The following SIMC1 variants were observed in gnomAD, a reference collection of about 807,000 sequenced individuals.
SIMC1 encodes SUMO interacting motifs containing 1.
In SIMC1, 55 loss-of-function variants were observed where a neutral mutation model predicts 82.3. That is an observed-to-expected ratio of 0.67 (90% CI 0.54 to 0.84). The LOEUF (loss-of-function observed/expected upper bound fraction) is 0.84. Ranked by LOEUF, SIMC1 falls within the 40% of genes least tolerant of loss-of-function variation. The probability of loss-of-function intolerance (pLI) is 0.00; values close to 1 mark genes in which losing one functional copy is unlikely to be tolerated. For missense variants in SIMC1, 915 were observed against 1,107.2 expected (o/e 0.83, Z 2.46); for synonymous variants, 353 against 426.3 (o/e 0.83, Z 2.12).
intron 1 of SIMC1, among the ~76,000 whole-genome samples, chr5:176,272,657 G>T (rs557338955): frequency 2.0e-5 from 3 of 152,164 alleles, no homozygotes; most frequent in Non-Finnish European, 4.4e-5. Context: ...CCTGAGAAGC[G>T]CAAAGGGTCA....
rs1182884406 is a variant in SIMC1 at position 176,313,850 on chromosome 5, G to A, written c.1889+5G>A. On this transcript the variant is annotated splice_donor_5th_base_variant and intron_variant, in intron 5 of 9. Transcript: ENST00000429602. Reference sequence around the variant, plus strand: ...CAAGCAGCCCCACAATGTCAGGTAAGCAGCCACCTGAGCCCTCGGATGAGA... The same window carrying A: ...CAAGCAGCCCCACAATGTCAGGTAAACAGCCACCTGAGCCCTCGGATGAGA... The A allele has an allele frequency of 1.2e-6, 2 of 1,613,162 alleles. No homozygotes were observed. The highest frequency in any genetic ancestry group is 1.1e-5 in the South Asian group (1 of 91,038).
chr5:176,287,863 AT>A (rs1051621189), intron 1 of SIMC1, among the ~76,000 whole-genome samples: 4 of 152,158 alleles, frequency 2.6e-5, no homozygotes, highest in African/African-American at 9.7e-5. Flanking sequence ...ATACATTTCT[AT>A]TTTCAATATC....
At chr5:176,305,508 GC>G in intron 4 of SIMC1, among the ~76,000 whole-genome samples, 1 of 125,304 alleles carries the variant, frequency 8.0e-6, no homozygotes. Flanking sequence ...AGCCCGGCCA[GC>G]CACCCCGTCT....
At chr5:176,269,392 C>T (rs144795056) in intron 1 of SIMC1, among the ~76,000 whole-genome samples, 15 of 152,324 alleles carry the variant, frequency 9.8e-5, no homozygotes, top group African/African-American at 3.6e-4. Flanking sequence ...ATATTATGAA[C>T]AATTTTATGC....
intron 1 of SIMC1, chr5:176,270,664 G>A (rs1156236637): frequency 1.3e-5 from 2 of 152,268 alleles, no homozygotes; most frequent in Non-Finnish European, 2.9e-5. Flanking sequence ...CTGTGTGCTT[G>A]GGGAAGGGAA....
At chr5:176,322,213 T>A in intron 5 of SIMC1, 60 bp from the exon 6 acceptor site, 1 of 1,356,744 alleles carries the variant, frequency 7.4e-7, no homozygotes. Flanking sequence ...TCTTTCTTTA[T>A]TTTTTTTTTC....
chr5:176,254,873 A>G (rs1761796273), intron 1 of SIMC1, among the ~76,000 whole-genome samples: 1 of 152,358 alleles, frequency 6.6e-6, no homozygotes, highest in Admixed American at 6.5e-5. Context: ...TCAAATAGGG[A>G]CAAAAAAATG....
At chr5:176,343,989 G>T in intron 9 of SIMC1, among the ~76,000 whole-genome samples, 1 of 151,910 alleles carries the variant, frequency 6.6e-6, no homozygotes, top group Non-Finnish European at 1.5e-5. Flanking sequence ...TAGAGACAGG[G>T]TTTCACCATG....
At chr5:176,323,757 C>T (rs376563325) in intron 6 of SIMC1, among the ~76,000 whole-genome samples, 66 of 152,120 alleles carry the variant, frequency 4.3e-4, no homozygotes, top group African/African-American at 1.6e-3. Flanking sequence ...GAGGCCAAGG[C>T]GGGTGGATCA....
At chr5:176,336,694 A>G in intron 7 of SIMC1, 26 bp from the exon 8 acceptor site, 2 of 1,610,318 alleles carry the variant, frequency 1.2e-6, no homozygotes, top group East Asian at 4.5e-5. Flanking sequence ...GTGATGATTA[A>G]CTCCCTCTTC....
chr5:176,254,940 G>C (rs1194450409), intron 1 of SIMC1, among the ~76,000 whole-genome samples: 1 of 152,064 alleles, frequency 6.6e-6, no homozygotes, highest in African/African-American at 2.4e-5. Flanking sequence ...AGTAGCTTAA[G>C]AGAAAGAAAA....
Position 176,345,319 on chromosome 5 carries a change from G to A in SIMC1, c.2550G>A (p.Gln850=). 1 of 1,613,890 alleles carries A rather than the reference G, an allele frequency of 6.2e-7. No homozygotes were observed. The change falls in exon 10 of 10, where the codon CAG becomes CAA. Residue 850 remains glutamine (Q), a synonymous_variant. Coordinates refer to ENST00000429602, the MANE Select transcript of SIMC1 (RefSeq NM_001308195.2). The stretch of plus-strand genomic sequence containing the variant: ...AGGCCTTCCGCAGCCGCCTGATCCA[G>A]ATGCTGGGGGAGCCTCTTGTCCCCC... ...QIEAFRSRLI[Q]MLGEPLVPQL...
intron 1 of SIMC1, among the ~76,000 whole-genome samples, chr5:176,277,925 G>A (rs374444095): frequency 8.7e-5 from 13 of 149,176 alleles, no homozygotes; most frequent in Non-Finnish European, 1.2e-4. Flanking sequence ...TTGACTTGGC[G>A]ATGTGGGCTC....
intron 1 of SIMC1, among the ~76,000 whole-genome samples, chr5:176,280,669 G>T (rs1762957483): frequency 6.6e-6 from 1 of 152,022 alleles, no homozygotes; most frequent in Non-Finnish European, 1.5e-5. Context: ...TCTCTGTAAA[G>T]GATTTTATTT....
At chr5:176,306,032 T>TGG (rs1491149010) in intron 4 of SIMC1, among the ~76,000 whole-genome samples, 1 of 15,958 alleles carries the variant, frequency 6.3e-5, no homozygotes, top group African/African-American at 2.3e-4. Flanking sequence ...GGAGGGAGGT[T>TGG]GGGGGGGGTC....
chr5:176,265,135 C>T (rs998505505), intron 1 of SIMC1, among the ~76,000 whole-genome samples: 2 of 152,154 alleles, frequency 1.3e-5, no homozygotes, highest in African/African-American at 2.4e-5. Context: ...CCCCCAACAA[C>T]AACAACAACA....
intron 4 of SIMC1, among the ~76,000 whole-genome samples, chr5:176,298,069 C>G (rs1763897222): frequency 6.6e-6 from 1 of 152,208 alleles, no homozygotes; most frequent in Non-Finnish European, 1.5e-5. Context: ...CAACCATATA[C>G]AGACCAGAAT....
intron 7 of SIMC1, among the ~76,000 whole-genome samples, chr5:176,331,084 G>GA (rs1345025709): frequency 6.6e-6 from 1 of 152,092 alleles, no homozygotes; most frequent in Admixed American, 6.6e-5. Flanking sequence ...GATGTTCCTT[G>GA]AAAAAAACTG....
At chr5:176,307,021 G>T (rs1420905314) in intron 4 of SIMC1, among the ~76,000 whole-genome samples, 1 of 152,262 alleles carries the variant, frequency 6.6e-6, no homozygotes, top group East Asian at 1.9e-4. Flanking sequence ...CTCCAAAGAT[G>T]ATATGGAAAT....
Sources: allele counts gnomAD v4.1 joint callset (sites outside exome capture counted in the v4.1 genomes callset), GRCh38; gene constraint gnomAD v4.1.1; transcripts MANE v1.5; gene names NCBI Gene and HGNC (gene_info 2026-07-23, HGNC 2026-07-21).